The following SYT10 variants were observed in gnomAD, a reference collection of about 807,000 sequenced individuals.
SYT10 encodes synaptotagmin 10.
In SYT10, 31 loss-of-function variants were observed where a neutral mutation model predicts 51.1. The ratio of observed to expected loss-of-function variants is 0.61; its 90% confidence interval spans 0.46 to 0.82. The LOEUF is 0.82. Among genes scored for constraint, SYT10 ranks in the 40% least tolerant of loss-of-function variants. SYT10 has a pLI of 0.00. For missense variants in SYT10, 603 were observed against 634.0 expected, an observed-to-expected ratio of 0.95 and a Z score of 0.53; for synonymous variants, 233 against 225.9, an observed-to-expected ratio of 1.03 and a Z score of -0.28.
Position 33,402,264 on chromosome 12 carries a change from C to G in SYT10, c.1077+4525G>C, listed in dbSNP as rs182709325. On this transcript the variant is annotated intron_variant, in intron 3 of 6. Transcript: ENST00000228567. ...AATATAACATTCTGGTTTGGGTTCCCTTTAGTCTCTTCATTTCATATTCAC... is the reference window on the plus strand; with the variant it reads ...AATATAACATTCTGGTTTGGGTTCCGTTTAGTCTCTTCATTTCATATTCAC... 3.6e-3 allele frequency among the ~76,000 whole-genome samples: 541 copies of G among 152,298 alleles called. 1 individual carries two copies. The highest frequency in any genetic ancestry group is 0.012 in the African/African-American group (514 of 41,556).
intron 4 of SYT10, among the ~76,000 whole-genome samples, chr12:33,383,749 C>G (rs1478049044): frequency 6.6e-6 from 1 of 152,038 alleles, no homozygotes; most frequent in Non-Finnish European, 1.5e-5. Context: ...GGATAATTTA[C>G]TGGGTCTTTG....
At chr12:33,413,273 A>G (rs974838816) in intron 2 of SYT10, among the ~76,000 whole-genome samples, 11 of 152,250 alleles carry the variant, frequency 7.2e-5, no homozygotes, top group African/African-American at 2.2e-4. Context: ...GATATTATCC[A>G]GGAGAACTTC....
intron 1 of SYT10, chr12:33,432,602 T>C (rs1169754456): frequency 6.6e-6 from 1 of 152,082 alleles, no homozygotes; most frequent in African/African-American, 2.4e-5. Context: ...GCTCTGAATA[T>C]TGTTTTGTCC....
intron 3 of SYT10, among the ~76,000 whole-genome samples, chr12:33,399,483 G>T (rs1278792166): frequency 6.6e-6 from 1 of 152,162 alleles, no homozygotes; most frequent in East Asian, 1.9e-4. Flanking sequence ...CTATTTTATA[G>T]CCGCTTACCT....
Position 33,426,526 on chromosome 12 carries a change from T to C in SYT10, c.152-31A>G, listed in dbSNP as rs1866554444. 3 of 1,471,560 alleles carry C rather than the reference T, an allele frequency of 2.0e-6. No individual in the cohort carries two copies. The South Asian group carries it at 4.1e-5, about 20-fold the overall frequency. 91.2% of individuals were successfully genotyped at this position (1,471,560 alleles called of 1,614,324 possible). ...AAAATTACAATGTAAAAATGATTAA[T>C]TAATATTGTACATAAAAAAGCAGAA... is the stretch of plus-strand genomic sequence containing the variant. On this transcript the variant is annotated intron_variant, in intron 1 of 6. Transcript: ENST00000228567.
chr12:33,409,887 G>A (rs1302725075), intron 2 of SYT10, among the ~76,000 whole-genome samples: 1 of 152,106 alleles, frequency 6.6e-6, no homozygotes, highest in Non-Finnish European at 1.5e-5. Flanking sequence ...ATGGATTAAG[G>A]CTAGCTGTCT....
intron 1 of SYT10, among the ~76,000 whole-genome samples, chr12:33,438,722 T>TA (rs57663747): frequency 0.026 from 3,955 of 152,314 alleles, 194 homozygotes; most frequent in African/African-American, 0.091. Context: ...CTCTGAGCTT[T>TA]AGGTGTCGCC....
At chr12:33,392,974 G>T (rs1299790796) in intron 3 of SYT10, among the ~76,000 whole-genome samples, 8 of 70,196 alleles carry the variant, frequency 1.1e-4, no homozygotes, top group Admixed American at 9.4e-4. Context: ...AATAATTGTG[G>T]TTTTTGCCAT....
At chr12:33,387,623 T>C (rs1449578676) in intron 3 of SYT10, among the ~76,000 whole-genome samples, 2 of 152,174 alleles carry the variant, frequency 1.3e-5, no homozygotes, top group African/African-American at 4.8e-5. Flanking sequence ...TGGATATCCT[T>C]TGGGCTAGTG....
intron 2 of SYT10, among the ~76,000 whole-genome samples, chr12:33,418,997 C>G (rs1175179384): frequency 6.6e-6 from 1 of 152,140 alleles, no homozygotes; most frequent in Non-Finnish European, 1.5e-5. Flanking sequence ...CTGGATTTCT[C>G]TTGGTGGGAA....
At chr12:33,401,365 T>G (rs1866302916) in intron 3 of SYT10, among the ~76,000 whole-genome samples, 1 of 152,202 alleles carries the variant, frequency 6.6e-6, no homozygotes, top group Admixed American at 6.5e-5. Flanking sequence ...ATGCTCGTAT[T>G]AGAGGTGGTT....
chr12:33,393,862 C>T (rs189707818), intron 3 of SYT10, among the ~76,000 whole-genome samples: 2 of 152,272 alleles, frequency 1.3e-5, no homozygotes, highest in East Asian at 3.9e-4. Flanking sequence ...ATAGTACGTG[C>T]CTTCATTCAT....
intron 1 of SYT10, among the ~76,000 whole-genome samples, chr12:33,436,013 G>A (rs1008425393): frequency 6.6e-6 from 1 of 152,140 alleles, no homozygotes; most frequent in Non-Finnish European, 1.5e-5. Flanking sequence ...AAATGCTTAT[G>A]AAAATCTTTA....
At chr12:33,382,199 A>G (rs556888723) in intron 5 of SYT10, 150 bp downstream of exon 5, 1 of 803,086 alleles carries the variant, frequency 1.2e-6, no homozygotes, top group East Asian at 3.1e-5. Context: ...CAGAACTATA[A>G]CACAGAAAAC....
At chr12:33,423,095 G>A (rs553369368) in intron 2 of SYT10, among the ~76,000 whole-genome samples, 160 of 152,224 alleles carry the variant, frequency 1.1e-3, no homozygotes, top group African/African-American at 3.7e-3. Flanking sequence ...AAATGTCCAC[G>A]TACTTGAAAA....
At chr12:33,407,714 T>C (rs981159390) in intron 2 of SYT10, 5 of 178,230 alleles carry the variant, frequency 2.8e-5, no homozygotes, top group Admixed American at 5.8e-5. Context: ...CAAGCCATCC[T>C]CTGGCCTCCG....
intron 3 of SYT10, among the ~76,000 whole-genome samples, chr12:33,393,860 T>C (rs1811669833): frequency 6.6e-6 from 1 of 152,226 alleles, no homozygotes. Context: ...ATATAGTACG[T>C]GCCTTCATTC....
At chr12:33,411,711 C>T (rs866104633) in intron 2 of SYT10, among the ~76,000 whole-genome samples, 36 of 152,036 alleles carry the variant, frequency 2.4e-4, no homozygotes, top group African/African-American at 8.0e-4. Flanking sequence ...AGTGAGTATA[C>T]ACATAAAAAA....
intron 4 of SYT10, 144 bp from the exon 5 acceptor site, chr12:33,382,664 C>CA (rs1042364341): frequency 2.5e-4 from 175 of 692,872 alleles, no homozygotes; most frequent in Middle Eastern, 1.8e-3. Context: ...AATTTGTCTC[C>CA]AAAAAAAAGA....
Sources: gnomAD v4.1 joint callset for allele counts (sites outside exome capture counted in the v4.1 genomes callset) on GRCh38, gnomAD v4.1.1 for gene constraint, MANE v1.5 for transcripts, NCBI Gene and HGNC (gene_info 2026-07-23, HGNC 2026-07-21) for gene names.